Variants in ZKSCAN8 observed in about 807,000 individuals in gnomAD.
ZKSCAN8 encodes the protein zinc finger protein with KRAB and SCAN domains 8.
In ZKSCAN8, 27 loss-of-function variants were observed where a neutral mutation model predicts 57.2. That is an observed-to-expected ratio of 0.47 (90% CI 0.35 to 0.65). The LOEUF (loss-of-function observed/expected upper bound fraction) is 0.65, where lower values mean the gene tolerates loss of function less well. Among genes scored for constraint, ZKSCAN8 ranks in the 30% least tolerant of loss-of-function variants. The probability of loss-of-function intolerance (pLI) is 0.01; values close to 1 mark genes in which losing one functional copy is unlikely to be tolerated. For synonymous variants in ZKSCAN8, 214 were observed against 248.7 expected (o/e 0.86, Z 1.31); for missense variants, 597 against 696.3 (o/e 0.86, Z 1.60).
At chr6:28,143,771 T>G (rs1406863156) in intron 1 of ZKSCAN8, among the ~76,000 whole-genome samples, 2 of 152,196 alleles carry the variant, frequency 1.3e-5, no homozygotes, top group African/African-American at 2.4e-5. Context: ...TTTTTAACAT[T>G]AAACCATAAG....
At position 28,154,074 on chromosome 6, in the gene ZKSCAN8, TGA is replaced by T; in HGVS notation, c.*61_*62del. 6.6e-7 allele frequency: 1 copy of T among 1,518,170 alleles called. No homozygotes were observed. The highest frequency in any genetic ancestry group is 8.8e-7 in the Non-Finnish European group (1 of 1,141,348). The allele number at this position is 1,518,170 out of a possible 1,614,324, so 94.0% of individuals were successfully genotyped here. ...CAGCATTAGGGAAACCACACACTGG[TGA>T]GAGGTCTTTCAGTGTACTAAAAGGC... On this transcript the variant is annotated 3_prime_UTR_variant, in exon 6 of 6. Transcript: ENST00000330236.
At chr6:28,147,940 G>A (rs1765451991) in intron 1 of ZKSCAN8, among the ~76,000 whole-genome samples, 1 of 152,210 alleles carries the variant, frequency 6.6e-6, no homozygotes, top group Non-Finnish European at 1.5e-5. Context: ...GCTGAAGCGT[G>A]TAGAACCAGA....
rs773155739 is a variant in ZKSCAN8 at position 28,152,222 on chromosome 6, C to T, written c.652-39C>T. 4.4e-6 allele frequency: 7 copies of T among 1,575,280 alleles called. No individual in the cohort carries two copies. The East Asian group carries it at 1.6e-4, about 35-fold the overall frequency. ...AGCTCTATAGGTTTGAGCTGTGGAA[C>T]AGTCCCAGTCCCCAAATGGGGATCT... On this transcript the variant is annotated intron_variant, in intron 4 of 5. Transcript: ENST00000330236.
In ZKSCAN8 at chr6:28,155,637, C is replaced by T. The variant is rs1765758244; in HGVS notation, c.*1620C>T. On this transcript the variant is annotated 3_prime_UTR_variant, in exon 6 of 6. Transcript: ENST00000330236. ...ATTCAGAAAAAAAATTATATAGGTT[C>T]TGATGAAAGCTTCATAATTTCACCC... The T allele has an allele frequency of 6.6e-6, 1 of 152,194 alleles. No individual in the cohort carries two copies. Among genetic ancestry groups the T allele is most frequent in the Non-Finnish European group, 1.5e-5 (1 of 68,104 alleles). 9.4% of individuals were successfully genotyped at this position (152,194 alleles called of 1,614,324 possible).
rs1255248092 is a variant in ZKSCAN8, at chr6:28,152,010, G to C, written c.651+74G>C. 7 of 1,549,144 alleles carry C rather than the reference G, an allele frequency of 4.5e-6. No homozygotes were observed. The Admixed American group carries it at 1.0e-4, about 23-fold the overall frequency. ...GTTTGTGGCATCTGCCCTATATCTTGACTGTCTAGTTTGTAGCAGTACCTA... is the reference window on the plus strand; with the variant it reads ...GTTTGTGGCATCTGCCCTATATCTTCACTGTCTAGTTTGTAGCAGTACCTA... On this transcript the variant is annotated intron_variant, in intron 4 of 5. Transcript: ENST00000330236.
chr6:28,151,787 C>A, intron 3 of ZKSCAN8, 58 bp from the exon 4 acceptor site: 1 of 1,404,162 alleles, frequency 7.1e-7, no homozygotes, highest in Non-Finnish European at 1.0e-6. Context: ...GGGTGAGTGC[C>A]AGCTCCCACA....
In ZKSCAN8 at chr6:28,144,389, A is replaced by G. The variant is rs948860484; in HGVS notation, c.-93+2360A>G. The G allele has an allele frequency of 2.6e-5, 4 of 152,348 alleles. No individual in the cohort carries two copies. Among genetic ancestry groups the G allele is most frequent in the Admixed American group, 2.6e-4 (4 of 15,278 alleles). 9.4% of individuals were successfully genotyped at this position (152,348 alleles called of 1,614,324 possible). On this transcript the variant is annotated intron_variant, in intron 1 of 5. Transcript: ENST00000330236. This position sits in a 1 kb window ranked among gnomAD's most constrained non-coding sequence, Gnocchi z 4.5. Reference sequence around the variant, plus strand: ...CGTGCCACAACTCCAAAAACTGAAAAGATAAGCACTGCCTTGATGATCCGT... The same window carrying G: ...CGTGCCACAACTCCAAAAACTGAAAGGATAAGCACTGCCTTGATGATCCGT...
At chr6:28,147,228 A>G (rs1765427999) in intron 1 of ZKSCAN8, among the ~76,000 whole-genome samples, 1 of 152,086 alleles carries the variant, frequency 6.6e-6, no homozygotes, top group African/African-American at 2.4e-5. Context: ...ATACTTCACT[A>G]AAGAAGATAT....
At position 28,158,173 on chromosome 6, in the gene ZKSCAN8, C is replaced by T. The variant is rs1765848184; in HGVS notation, c.*4156C>T. On this transcript the variant is annotated 3_prime_UTR_variant, in exon 6 of 6. Coordinates refer to ENST00000330236, the MANE Select transcript of ZKSCAN8 (RefSeq NM_006298.4). ...TTTATATTTTATATTGTTGAATTCT[C>T]CCTCCTTTGGCTTGTGGGATCCTTT... 2 of 151,108 alleles carry T rather than the reference C, an allele frequency of 1.3e-5. No homozygotes were observed. The highest frequency in any genetic ancestry group is 4.2e-4 in the South Asian group (2 of 4,758). 9.4% of individuals were successfully genotyped at this position (151,108 alleles called of 1,614,324 possible).
At chr6:28,146,804 C>T (rs1765412941) in intron 1 of ZKSCAN8, among the ~76,000 whole-genome samples, 1 of 152,076 alleles carries the variant, frequency 6.6e-6, no homozygotes, top group African/African-American at 2.4e-5. Flanking sequence ...TAGACCCTTA[C>T]ATATACATAC....
chr6:28,151,077 A>T (rs1765576368), intron 3 of ZKSCAN8, among the ~76,000 whole-genome samples: 1 of 152,154 alleles, frequency 6.6e-6, no homozygotes, highest in African/African-American at 2.4e-5. Flanking sequence ...AAGTGCTGGG[A>T]TTACAGCCAT....
intron 1 of ZKSCAN8, among the ~76,000 whole-genome samples, chr6:28,146,542 T>C (rs1481666569): frequency 6.6e-6 from 1 of 152,200 alleles, no homozygotes; most frequent in East Asian, 1.9e-4. Context: ...ATATCAGTTG[T>C]CCCTAAAATG....
In ZKSCAN8 at chr6:28,156,147, A is replaced by G. The variant is rs75252451; in HGVS notation, c.*2130A>G. The G allele has an allele frequency of 2.6e-4, 105 of 398,418 alleles. No individual in the cohort carries two copies. Among genetic ancestry groups the G allele is most frequent in the Non-Finnish European group, 3.7e-4 (83 of 225,946 alleles). The allele number at this position is 398,418 out of a possible 1,614,324, so 24.7% of individuals were successfully genotyped here. The stretch of plus-strand genomic sequence containing the variant: ...TGATGGGTGCATTGTCAGAGGGAAA[A>G]TATATGTGTATGTACACATGTGTAT... On this transcript the variant is annotated 3_prime_UTR_variant, in exon 6 of 6. Coordinates refer to ENST00000330236, the MANE Select transcript of ZKSCAN8 (RefSeq NM_006298.4).
rs1765315027 is a variant in ZKSCAN8, at chr6:28,144,282, T to G, written c.-93+2253T>G. On this transcript the variant is annotated intron_variant, in intron 1 of 5. Transcript: ENST00000330236. This position sits in a 1 kb window ranked among gnomAD's most constrained non-coding sequence, Gnocchi z 4.5. ...ACTCTGCCGAAATTGAGTATACAATTTTGTATCTGTGGACATTTTGCTGGA... is the reference window on the plus strand; with the variant it reads ...ACTCTGCCGAAATTGAGTATACAATGTTGTATCTGTGGACATTTTGCTGGA... 6.6e-6 allele frequency: 1 copy of G among 152,242 alleles called. No individual in the cohort carries two copies. Among genetic ancestry groups the G allele is most frequent in the African/African-American group, 2.4e-5 (1 of 41,446 alleles). 9.4% of individuals were successfully genotyped at this position (152,242 alleles called of 1,614,324 possible). A position where few individuals can be genotyped will look rare whatever the true frequency, so the allele number is the denominator to read the frequency against.
chr6:28,149,805 A>G (rs939202189), intron 3 of ZKSCAN8, among the ~76,000 whole-genome samples, 181 bp downstream of exon 3: 4 of 151,618 alleles, frequency 2.6e-5, no homozygotes, highest in Non-Finnish European at 4.4e-5. Flanking sequence ...TAAACTCATG[A>G]ACAAATTAAA....
At chr6:28,142,496 C>T (rs943447150) in intron 1 of ZKSCAN8, among the ~76,000 whole-genome samples, 1 of 150,838 alleles carries the variant, frequency 6.6e-6, no homozygotes, top group African/African-American at 2.4e-5. Context: ...TATTCAGAAA[C>T]TGGTGGTGTG....
chr6:28,147,944 A>C lies in ZKSCAN8; in HGVS notation c.-92-372A>C, dbSNP rs369053905. ...AAAGGTTGAGAGCTGAAGCGTGTAG[A>C]ACCAGATTAGTACAGCTGGTGTATC... On this transcript the variant is annotated intron_variant, in intron 1 of 5. Transcript: ENST00000330236. Among the ~76,000 whole-genome samples, 297 of 152,350 alleles carry C rather than the reference A, an allele frequency of 1.9e-3. 1 individual carries two copies. The highest frequency in any genetic ancestry group is 5.5e-3 in the African/African-American group (228 of 41,590).
intron 2 of ZKSCAN8, among the ~76,000 whole-genome samples, chr6:28,149,224 A>G (rs1441758257): frequency 6.6e-6 from 1 of 152,184 alleles, no homozygotes; most frequent in East Asian, 1.9e-4. Flanking sequence ...CCTCTGCCTT[A>G]GGAGTACAAA....
intron 5 of ZKSCAN8, 88 bp downstream of exon 5, chr6:28,152,472 A>G: frequency 6.8e-7 from 1 of 1,466,846 alleles, no homozygotes; most frequent in Non-Finnish European, 9.1e-7. Context: ...TTTCTGAAAG[A>G]CATAGTTAAG....
Sources: allele counts gnomAD v4.1 joint callset (sites outside exome capture counted in the v4.1 genomes callset), GRCh38; gene constraint gnomAD v4.1.1; non-coding constraint Gnocchi (gnomAD v3.1); transcripts MANE v1.5; gene names NCBI Gene and HGNC (gene_info 2026-07-23, HGNC 2026-07-21).